SH3PXD2B: variants seen among roughly 807,000 people sequenced by gnomAD.
SH3PXD2B encodes the protein SH3 and PX domains 2B.
Under a neutral mutation model 73.1 loss-of-function variants are expected in SH3PXD2B, and 37 were observed. The observed-to-expected ratio is 0.51, with a 90% CI of 0.39 to 0.67. SH3PXD2B has a LOEUF of 0.67. Ranked by LOEUF, SH3PXD2B falls within the 30% of genes least tolerant of loss-of-function variation. The pLI, the probability that SH3PXD2B is intolerant of heterozygous loss-of-function variation, is 0.00. For synonymous variants in SH3PXD2B, 457 were observed against 480.5 expected (o/e 0.95, Z 0.64); for missense variants, 1,053 against 1,197.8 (o/e 0.88, Z 1.78).
chr5:172,334,553 T>A lies in SH3PXD2B; in HGVS notation c.*3816A>T. 1.0e-6 allele frequency: 1 copy of A among 985,538 alleles called. No individual in the cohort carries two copies. The highest frequency in any genetic ancestry group is 4.7e-5 in the South Asian group (1 of 21,288). 61.0% of individuals were successfully genotyped at this position (985,538 alleles called of 1,614,324 possible). A position where few individuals can be genotyped will look rare whatever the true frequency, so the allele number is the denominator to read the frequency against. On this transcript the variant is annotated 3_prime_UTR_variant, in exon 13 of 13. Coordinates refer to ENST00000311601, the MANE Select transcript of SH3PXD2B (RefSeq NM_001017995.3). ...GCCACACATGGCTCAGGCTGTTAGG[T>A]GTCCACTGTCACAGTCCAAAGAGAA...
At chr5:172,401,733 G>C (rs1387982105) in intron 3 of SH3PXD2B, among the ~76,000 whole-genome samples, 1 of 152,206 alleles carries the variant, frequency 6.6e-6, no homozygotes, top group Non-Finnish European at 1.5e-5. Flanking sequence ...TCTTACGCCT[G>C]TCTTTACTGC....
chr5:172,364,899 C>T (rs138680617), intron 6 of SH3PXD2B, among the ~76,000 whole-genome samples: 143 of 151,224 alleles, frequency 9.5e-4, no homozygotes, highest in African/African-American at 3.3e-3. Flanking sequence ...TAAGCATCCA[C>T]GAGCACACCA....
chr5:172,358,353 C>T (rs1328160145), intron 8 of SH3PXD2B, among the ~76,000 whole-genome samples: 1 of 152,232 alleles, frequency 6.6e-6, no homozygotes, highest in Non-Finnish European at 1.5e-5. Flanking sequence ...GACCCCTGGT[C>T]AGGACCACTT....
chr5:172,392,658 G>A (rs1451041333), intron 4 of SH3PXD2B, among the ~76,000 whole-genome samples: 3 of 151,980 alleles, frequency 2.0e-5, no homozygotes, highest in South Asian at 2.1e-4. Flanking sequence ...GGTGGTGGGT[G>A]CCTGTAATCC....
At chr5:172,359,387 C>CAAGAAAA (rs1757350474) in intron 7 of SH3PXD2B, among the ~76,000 whole-genome samples, 1 of 84,088 alleles carries the variant, frequency 1.2e-5, no homozygotes, top group East Asian at 4.5e-4. Context: ...ACCCCCATCT[C>CAAGAAAA]AAAAAAAAAA....
At chr5:172,450,245 CTATTAGTCTATTTTT>C (rs1759765966) in intron 1 of SH3PXD2B, among the ~76,000 whole-genome samples, 1 of 151,500 alleles carries the variant, frequency 6.6e-6, no homozygotes, top group African/African-American at 2.4e-5. Context: ...AAAATCCTAT[CTATTAGTCTATTTTT>C]TATAAGTGCA....
chr5:172,368,664 ATATATATATAAAATATATATGT>A (rs1459919226), intron 6 of SH3PXD2B, among the ~76,000 whole-genome samples: 3 of 36,816 alleles, frequency 8.1e-5, no homozygotes, highest in Admixed American at 5.5e-4. Context: ...TATATATATT[ATATATATATAAAATATATATGT>A]TATATATATA....
intron 3 of SH3PXD2B, among the ~76,000 whole-genome samples, chr5:172,402,626 G>C (rs1758444162): frequency 6.6e-6 from 1 of 152,124 alleles, no homozygotes; most frequent in South Asian, 2.1e-4. Flanking sequence ...CGACACTTAG[G>C]GAAAATAGAA....
chr5:172,344,413 C>A (rs1305881424), intron 12 of SH3PXD2B, among the ~76,000 whole-genome samples: 1 of 151,842 alleles, frequency 6.6e-6, no homozygotes, highest in East Asian at 1.9e-4. Flanking sequence ...CATGGCAAAA[C>A]CCTGTTTCTA....
At chr5:172,427,684 T>G (rs1415523979) in intron 1 of SH3PXD2B, among the ~76,000 whole-genome samples, 1 of 152,020 alleles carries the variant, frequency 6.6e-6, no homozygotes, top group East Asian at 1.9e-4. Flanking sequence ...AGAGTTTCAG[T>G]CTAGGGAGAT....
chr5:172,415,213 C>G (rs965644005), intron 2 of SH3PXD2B, among the ~76,000 whole-genome samples: 4 of 152,278 alleles, frequency 2.6e-5, no homozygotes, highest in African/African-American at 9.6e-5. Flanking sequence ...GACCCTTGGC[C>G]TGGGGGACAC....
chr5:172,349,570 C>T (rs556285087), intron 10 of SH3PXD2B, among the ~76,000 whole-genome samples: 20 of 152,282 alleles, frequency 1.3e-4, no homozygotes, highest in African/African-American at 4.6e-4. Flanking sequence ...GGCTTAGAAA[C>T]GAGGCCACAT....
chr5:172,440,322 CT>C (rs1386314174), intron 1 of SH3PXD2B, among the ~76,000 whole-genome samples: 1 of 152,218 alleles, frequency 6.6e-6, no homozygotes, highest in African/African-American at 2.4e-5. Flanking sequence ...GTTTCTGCCA[CT>C]CCACCCTGCA....
chr5:172,390,815 TTGTGTGTGTGTGTGTGTGTGTG>T (rs56116617), intron 4 of SH3PXD2B, among the ~76,000 whole-genome samples: 2 of 139,898 alleles, frequency 1.4e-5, no homozygotes, highest in Non-Finnish European at 3.1e-5. Context: ...TTCCCGTCTT[TTGTGTGTGTGTGTGTGTGTGTG>T]TGTGTGTGTG....
chr5:172,432,925 AGGG>A (rs201533837), intron 1 of SH3PXD2B, among the ~76,000 whole-genome samples: 38,070 of 77,956 alleles, frequency 0.49, 6,459 homozygotes, highest in Non-Finnish European at 0.54. Context: ...CAAAAAAAAA[AGGG>A]GGGGGGGGGG....
In SH3PXD2B at chr5:172,350,497, G is replaced by A; in HGVS notation, c.878C>T (p.Ser293Phe). Reference sequence around the variant, plus strand: ...ATCCAAGTCAAGGGCACCCGGGTGGGAGGGTGAGCCAGGGCCTGGCTTCGG... The same window carrying A: ...ATCCAAGTCAAGGGCACCCGGGTGGAAGGGTGAGCCAGGGCCTGGCTTCGG... Reference protein sequence around the residue: ...LPPKPGPGSPSHPGALDLDGV... With the variant: ...LPPKPGPGSPFHPGALDLDGV... The change falls in exon 10 of 13, where the codon TCC becomes TTC. Residue 293 changes from serine to phenylalanine, a missense_variant. By Grantham distance (155) the Ser-to-Phe change is radical (BLOSUM62 -2). Coordinates refer to ENST00000311601, the MANE Select transcript of SH3PXD2B (RefSeq NM_001017995.3). 1 of 1,614,196 alleles carries A rather than the reference G, an allele frequency of 6.2e-7. No homozygotes were observed. Among genetic ancestry groups the A allele is most frequent in the East Asian group, 2.2e-5 (1 of 44,876 alleles).
intron 7 of SH3PXD2B, among the ~76,000 whole-genome samples, chr5:172,360,079 C>A (rs1757365632): frequency 6.6e-6 from 1 of 152,344 alleles, no homozygotes; most frequent in Non-Finnish European, 1.5e-5. Context: ...TGAGACCATG[C>A]TGAACTTCTG....
At chr5:172,439,258 A>AAAAAAC (rs1759473360) in intron 1 of SH3PXD2B, among the ~76,000 whole-genome samples, 1 of 85,662 alleles carries the variant, frequency 1.2e-5, no homozygotes, top group Non-Finnish European at 2.6e-5. Flanking sequence ...AAAGAAAAAA[A>AAAAAAC]AAAAACAAAA....
chr5:172,405,137 A>C, intron 3 of SH3PXD2B, among the ~76,000 whole-genome samples: 1 of 152,232 alleles, frequency 6.6e-6, no homozygotes, highest in East Asian at 1.9e-4. Flanking sequence ...CTTTGGTAAG[A>C]ATTTGGAGGG....
Sources: gnomAD v4.1 joint callset for allele counts (sites outside exome capture counted in the v4.1 genomes callset) on GRCh38, gnomAD v4.1.1 for gene constraint, MANE v1.5 for transcripts, NCBI Gene and HGNC (gene_info 2026-07-23, HGNC 2026-07-21) for gene names.